Variants in PLCG2 observed in about 807,000 individuals in gnomAD.
PLCG2 encodes phospholipase C gamma 2.
In PLCG2, 69 loss-of-function variants were observed where a neutral mutation model predicts 175.6. The observed-to-expected ratio is 0.39, with a 90% confidence interval of 0.32 to 0.48. The LOEUF (loss-of-function observed/expected upper bound fraction) is 0.48. Ranked by LOEUF, PLCG2 falls within the 20% of genes least tolerant of loss-of-function variation. The pLI is 0.91. For missense variants in PLCG2, 1,798 were observed against 1,650.9 expected (o/e 1.09, Z -1.54); for synonymous variants, 827 against 624.0 (o/e 1.33, Z -4.85).
intron 19 of PLCG2, among the ~76,000 whole-genome samples, chr16:81,912,920 G>C (rs1336684216): frequency 6.6e-6 from 1 of 152,274 alleles, no homozygotes; most frequent in Non-Finnish European, 1.5e-5. Flanking sequence ...CTCCAGGGCA[G>C]GATGTTCTGT....
intron 2 of PLCG2, among the ~76,000 whole-genome samples, chr16:81,854,201 G>A (rs968902645): frequency 3.9e-5 from 6 of 152,172 alleles, no homozygotes; most frequent in African/African-American, 1.4e-4. Flanking sequence ...AACAGGGTGA[G>A]CGGAAACCCC....
intron 1 of PLCG2, among the ~76,000 whole-genome samples, chr16:81,750,384 C>G (rs1352513957): frequency 1.4e-5 from 2 of 143,042 alleles, no homozygotes; most frequent in Non-Finnish European, 3.0e-5. Context: ...CTCACCACTG[C>G]ACTCCAGCCT....
At chr16:81,890,257 A>G (rs1005646606) in intron 10 of PLCG2, among the ~76,000 whole-genome samples, 2 of 152,140 alleles carry the variant, frequency 1.3e-5, no homozygotes, top group African/African-American at 4.8e-5. Context: ...GGCTCCTCTC[A>G]TCCTCCTAAC....
intron 7 of PLCG2, among the ~76,000 whole-genome samples, chr16:81,873,387 A>G (rs1472469083): frequency 6.6e-6 from 1 of 152,278 alleles, no homozygotes; most frequent in East Asian, 1.9e-4. Flanking sequence ...TAACTTTAAA[A>G]ATAGTCCTTG....
intron 2 of PLCG2, among the ~76,000 whole-genome samples, chr16:81,761,517 G>A (rs150234747): frequency 3.0e-4 from 46 of 152,316 alleles, no homozygotes; most frequent in African/African-American, 1.1e-3. Flanking sequence ...GACTGCCTAG[G>A]TTAGAGTCAT....
intron 2 of PLCG2, among the ~76,000 whole-genome samples, chr16:81,826,814 C>T (rs1013728616): frequency 1.6e-4 from 24 of 152,220 alleles, no homozygotes; most frequent in African/African-American, 5.3e-4. Flanking sequence ...CCGTGATTTT[C>T]TAGTATGACT....
intron 2 of PLCG2, chr16:81,798,753 A>T (rs557170239): frequency 6.6e-6 from 1 of 152,410 alleles, no homozygotes; most frequent in Admixed American, 6.5e-5. Context: ...TAGGCAAGGC[A>T]TGGTGAGAGC....
At chr16:81,935,426 T>TAA in intron 26 of PLCG2, 5 of 516,428 alleles carry the variant, frequency 9.7e-6, no homozygotes, top group East Asian at 1.5e-4. Context: ...GGGGGCCATT[T>TAA]AAAAAAAAAA....
In PLCG2 at chr16:81,934,410, G is replaced by A. The variant is rs370318941; in HGVS notation, c.2740-19G>A. ...GGATTTCTCGGGGGCGGGCACTAAA[G>A]ACAGTGAACTCCAAACAGGAGAACA... is the stretch of plus-strand genomic sequence containing the variant. On this transcript the variant is annotated intron_variant, in intron 25 of 32. Transcript: ENST00000564138. 1.4e-5 allele frequency: 21 copies of A among 1,524,966 alleles called. No homozygotes were observed. In the African/African-American group the frequency reaches 2.6e-4, roughly 19 times the overall value. 94.5% of individuals were successfully genotyped at this position (1,524,966 alleles called of 1,614,324 possible).
At chr16:81,897,617 C>T (rs1430322874) in intron 13 of PLCG2, among the ~76,000 whole-genome samples, 1 of 146,612 alleles carries the variant, frequency 6.8e-6, no homozygotes, top group African/African-American at 2.5e-5. Flanking sequence ...AGGATCTCGG[C>T]TCACTGCAAC....
Position 81,857,477 on chromosome 16 carries a change from T to A in PLCG2, c.338-786T>A, listed in dbSNP as rs1299684843. On this transcript the variant is annotated intron_variant, in intron 3 of 32. Coordinates refer to ENST00000564138, the MANE Select transcript of PLCG2 (RefSeq NM_002661.5). ...GGGGTTTAAACATCAGGCATTTATTTTCTCACAATTCTGGGGGCTGGGAAT... is the reference window on the plus strand; with the variant it reads ...GGGGTTTAAACATCAGGCATTTATTATCTCACAATTCTGGGGGCTGGGAAT... Among the ~76,000 whole-genome samples the A allele has an allele frequency of 2.6e-5, 4 of 152,316 alleles. No homozygotes were observed. The South Asian group carries it at 6.2e-4, about 24-fold the overall frequency.
At chr16:81,847,699 G>C (rs1421108595) in intron 2 of PLCG2, among the ~76,000 whole-genome samples, 1 of 152,072 alleles carries the variant, frequency 6.6e-6, no homozygotes, top group Non-Finnish European at 1.5e-5. Context: ...TACTGAACAT[G>C]GACAAACTTT....
chr16:81,878,446 C>G (rs996132788), intron 7 of PLCG2, among the ~76,000 whole-genome samples: 3 of 152,146 alleles, frequency 2.0e-5, no homozygotes, highest in Non-Finnish European at 1.5e-5. Flanking sequence ...CCCGGGGACA[C>G]CATCCTATAC....
chr16:81,761,502 G>A (rs1037679706), intron 2 of PLCG2, among the ~76,000 whole-genome samples: 2 of 152,196 alleles, frequency 1.3e-5, no homozygotes, highest in Non-Finnish European at 2.9e-5. Flanking sequence ...AGCAGCCTGG[G>A]AGCTGACTGC....
At chr16:81,881,031 G>T in intron 8 of PLCG2, 78 bp downstream of exon 8, 2 of 1,429,462 alleles carry the variant, frequency 1.4e-6, no homozygotes, top group Non-Finnish European at 2.0e-6. Flanking sequence ...CTCCAGGAGG[G>T]GATGCCTGTG....
intron 7 of PLCG2, among the ~76,000 whole-genome samples, chr16:81,876,747 G>A (rs1405498605): frequency 2.0e-5 from 3 of 152,232 alleles, no homozygotes; most frequent in Non-Finnish European, 4.4e-5. Flanking sequence ...GTTGCCCAGA[G>A]TGACATAAGG....
chr16:81,785,023 C>T (rs554818064), intron 1 of PLCG2, among the ~76,000 whole-genome samples: 1 of 152,238 alleles, frequency 6.6e-6, no homozygotes, highest in South Asian at 2.1e-4. Context: ...GGCTCTGCAT[C>T]TGAGAATTGA....
chr16:81,838,005 G>A (rs1260374181), intron 2 of PLCG2, among the ~76,000 whole-genome samples: 1 of 152,140 alleles, frequency 6.6e-6, no homozygotes, highest in Non-Finnish European at 1.5e-5. Context: ...ATAGTCAAGA[G>A]ACTAAAGCAA....
chr16:81,750,039 C>G (rs150670587), intron 1 of PLCG2, among the ~76,000 whole-genome samples: 3 of 151,662 alleles, frequency 2.0e-5, no homozygotes, highest in African/African-American at 7.3e-5. Flanking sequence ...TAATATGATC[C>G]CATTGTGAAA....
Sources: allele counts gnomAD v4.1 joint callset (sites outside exome capture counted in the v4.1 genomes callset), GRCh38; gene constraint gnomAD v4.1.1; transcripts MANE v1.5; gene names NCBI Gene and HGNC (gene_info 2026-07-23, HGNC 2026-07-21).